The following MGAT4C variants were observed in gnomAD, a reference collection of about 807,000 sequenced individuals.
The protein encoded by MGAT4C is MGAT4 family member C.
Under a neutral mutation model 40.1 loss-of-function variants are expected in MGAT4C, and 19 were observed. The observed-to-expected ratio is 0.47, with a 90% CI of 0.33 to 0.70. MGAT4C has a LOEUF of 0.70. Among genes scored for constraint, MGAT4C ranks in the 30% least tolerant of loss-of-function variants. MGAT4C has a pLI of 0.02. For missense variants in MGAT4C, 491 were observed against 563.2 expected, an observed-to-expected ratio of 0.87 and a Z score of 1.30; for synonymous variants, 181 against 187.1, an observed-to-expected ratio of 0.97 and a Z score of 0.27.
At position 85,970,765 on chromosome 12, in the gene MGAT4C, T is replaced by C. The variant is rs949860023; in HGVS notation, c.*8524A>G. On this transcript the variant is annotated 3_prime_UTR_variant, in exon 5 of 5. Transcript: ENST00000611864. Reference sequence around the variant, plus strand: ...TAATTTAAATAAAAATAATTGTTTTTATTAAAGTTTATACAGCAAGATAAT... The same window carrying C: ...TAATTTAAATAAAAATAATTGTTTTCATTAAAGTTTATACAGCAAGATAAT... The C allele has an allele frequency of 2.6e-5, 4 of 151,266 alleles. No homozygotes were observed. Among genetic ancestry groups the C allele is most frequent in the Admixed American group, 6.6e-5 (1 of 15,168 alleles). 9.4% of individuals were successfully genotyped at this position (151,266 alleles called of 1,614,324 possible). A position where few individuals can be genotyped will look rare whatever the true frequency, so the allele number is the denominator to read the frequency against.
intron 1 of MGAT4C, among the ~76,000 whole-genome samples, chr12:86,205,666 A>G (rs1398913666): frequency 6.6e-6 from 1 of 152,012 alleles, no homozygotes; most frequent in African/African-American, 2.4e-5. Flanking sequence ...TTCAACTACT[A>G]GAAGCCTTTA....
intron 1 of MGAT4C, among the ~76,000 whole-genome samples, chr12:86,143,487 G>C (rs901416601): frequency 3.9e-5 from 6 of 152,118 alleles, no homozygotes; most frequent in African/African-American, 1.4e-4. Context: ...TAGAGGTGTA[G>C]ATAGCTTGTT....
intron 3 of MGAT4C, among the ~76,000 whole-genome samples, chr12:86,377,376 C>T (rs1955849699): frequency 6.6e-6 from 1 of 152,066 alleles, no homozygotes; most frequent in African/African-American, 2.4e-5. Context: ...ACATTATTAA[C>T]CACAAAAATC....
chr12:86,729,354 C>T (rs1180068459), intron 1 of MGAT4C, among the ~76,000 whole-genome samples: 1 of 151,378 alleles, frequency 6.6e-6, no homozygotes, highest in Non-Finnish European at 1.5e-5. Context: ...TATGTATCCA[C>T]AAAAATTTAA....
chr12:85,971,402 T>C lies in MGAT4C; in HGVS notation c.*7887A>G, dbSNP rs910419268. 5.3e-5 allele frequency: 8 copies of C among 151,164 alleles called. No individual in the cohort carries two copies. Among genetic ancestry groups the C allele is most frequent in the Non-Finnish European group, 1.0e-4 (7 of 67,300 alleles). 9.4% of individuals were successfully genotyped at this position (151,164 alleles called of 1,614,324 possible). A position where few individuals can be genotyped will look rare whatever the true frequency, so the allele number is the denominator to read the frequency against. ...ACTTTTCAAAGATGATCGGTTTAGA[T>C]TGCTTTAACTTGAAGGACACTTATA... On this transcript the variant is annotated 3_prime_UTR_variant, in exon 5 of 5. Transcript: ENST00000611864.
rs138238124 is a variant in MGAT4C, at chr12:86,649,313, C to T, written c.-229+77896G>A. Reference sequence around the variant, plus strand: ...ATACAGGTTCTTTTCATTCAGTAGGCTATAAGCTCCTTGATGAGTGAGGCA... The same window carrying T: ...ATACAGGTTCTTTTCATTCAGTAGGTTATAAGCTCCTTGATGAGTGAGGCA... On this transcript the variant is annotated intron_variant, in intron 2 of 7. Transcript: ENST00000548651. Among the ~76,000 whole-genome samples the T allele has an allele frequency of 1.3e-4, 20 of 151,830 alleles. No homozygotes were observed. The East Asian group carries it at 3.5e-3, about 27-fold the overall frequency.
intron 2 of MGAT4C, 127 bp from the exon 3 acceptor site, chr12:85,989,679 C>A: frequency 1.2e-6 from 1 of 812,362 alleles, no homozygotes; most frequent in Non-Finnish European, 1.9e-6. Context: ...ATTCTGTTCC[C>A]AATTTCAAAC....
At chr12:86,537,099 C>T (rs949023244) in intron 2 of MGAT4C, among the ~76,000 whole-genome samples, 3 of 152,038 alleles carry the variant, frequency 2.0e-5, no homozygotes, top group African/African-American at 4.8e-5. Flanking sequence ...GAAACCATCA[C>T]TCTCAGCAAA....
chr12:86,467,610 G>GAT (rs912911175), intron 2 of MGAT4C, among the ~76,000 whole-genome samples: 2 of 151,992 alleles, frequency 1.3e-5, no homozygotes, highest in African/African-American at 4.8e-5. Context: ...ATATAATTTA[G>GAT]ATATATATTT....
At chr12:86,568,775 G>T (rs373624016) in intron 2 of MGAT4C, among the ~76,000 whole-genome samples, 8 of 151,748 alleles carry the variant, frequency 5.3e-5, no homozygotes, top group Admixed American at 1.3e-4. Flanking sequence ...ATAAATTTAC[G>T]TATATACAGA....
At chr12:86,221,134 G>A (rs942392100) in intron 1 of MGAT4C, among the ~76,000 whole-genome samples, 2 of 152,106 alleles carry the variant, frequency 1.3e-5, no homozygotes, top group Admixed American at 6.6e-5. Context: ...CAACAGAGAA[G>A]CTACTTGGTT....
chr12:86,296,579 C>A (rs10776959), intron 4 of MGAT4C, among the ~76,000 whole-genome samples: 99,309 of 152,150 alleles, frequency 0.65, 33,214 homozygotes, highest in South Asian at 0.78. Flanking sequence ...AGCGAGAAAT[C>A]GAGCGCAGCG....
chr12:86,403,625 T>C (rs888161295), intron 3 of MGAT4C, among the ~76,000 whole-genome samples: 1 of 152,196 alleles, frequency 6.6e-6, no homozygotes, highest in Non-Finnish European at 1.5e-5. Context: ...GTTTTTGAAA[T>C]TTTCGCTCTT....
intron 1 of MGAT4C, among the ~76,000 whole-genome samples, chr12:86,765,644 C>G (rs1184779923): frequency 2.0e-5 from 3 of 152,160 alleles, no homozygotes; most frequent in East Asian, 1.9e-4. Context: ...CAAAGAGAAG[C>G]CCATCAGACT....
chr12:86,520,097 G>A (rs376537650), intron 2 of MGAT4C, among the ~76,000 whole-genome samples: 35 of 152,086 alleles, frequency 2.3e-4, no homozygotes, highest in African/African-American at 8.5e-4. Context: ...CAGAGTACAT[G>A]TGCAGATTTG....
chr12:86,117,081 T>C (rs555939296), intron 1 of MGAT4C, among the ~76,000 whole-genome samples: 4 of 152,262 alleles, frequency 2.6e-5, no homozygotes, highest in South Asian at 2.1e-4. Context: ...TAAAAAAAAG[T>C]TGCACTATGC....
intron 1 of MGAT4C, among the ~76,000 whole-genome samples, chr12:86,731,100 C>T (rs1457224488): frequency 6.6e-6 from 1 of 151,860 alleles, no homozygotes; most frequent in Non-Finnish European, 1.5e-5. Flanking sequence ...CAAAATAACC[C>T]ATTTGTATAG....
chr12:86,466,209 A>AG (rs879673744), intron 2 of MGAT4C, among the ~76,000 whole-genome samples: 889 of 5,002 alleles, frequency 0.18, 5 homozygotes, highest in South Asian at 0.42. Flanking sequence ...AGACTCCGTC[A>AG]AAAAAAAACA....
intron 2 of MGAT4C, among the ~76,000 whole-genome samples, chr12:86,599,836 T>C (rs1448771030): frequency 1.3e-5 from 2 of 152,202 alleles, no homozygotes; most frequent in African/African-American, 4.8e-5. Flanking sequence ...CTGTCTACTA[T>C]AGTTATTTAT....
Sources: allele counts gnomAD v4.1 joint callset (sites outside exome capture counted in the v4.1 genomes callset), GRCh38; gene constraint gnomAD v4.1.1; transcripts MANE v1.5; gene names NCBI Gene and HGNC (gene_info 2026-07-23, HGNC 2026-07-21).